SORCS2: variants seen among roughly 807,000 people sequenced by gnomAD.
The protein encoded by SORCS2 is VPS10 domain-containing receptor SorCS2.
A neutral mutation model predicts 141.6 loss-of-function variants in SORCS2; 100 were observed. The ratio of observed to expected loss-of-function variants is 0.71; its 90% CI spans 0.60 to 0.83. The LOEUF is 0.83. SORCS2 is among the 40% of genes least tolerant of loss of function. The pLI is 0.00. For missense variants in SORCS2, 1,646 were observed against 1,560.2 expected, an observed-to-expected ratio of 1.05 and a Z score of -0.93; for synonymous variants, 789 against 676.9, an observed-to-expected ratio of 1.17 and a Z score of -2.57.
chr4:7,312,373 T>A (rs1718240095), intron 1 of SORCS2, among the ~76,000 whole-genome samples: 1 of 152,234 alleles, frequency 6.6e-6, no homozygotes, highest in Admixed American at 6.5e-5. Flanking sequence ...GTCCTGGCTC[T>A]GCACCCAAGC....
intron 2 of SORCS2, among the ~76,000 whole-genome samples, chr4:7,464,810 C>T (rs1487415158): frequency 1.3e-5 from 2 of 152,202 alleles, no homozygotes; most frequent in Non-Finnish European, 2.9e-5. Flanking sequence ...TGCTGGGCAT[C>T]GGGATAGTGC....
chr4:7,312,094 C>T (rs1288418240), intron 1 of SORCS2, among the ~76,000 whole-genome samples: 2 of 152,126 alleles, frequency 1.3e-5, no homozygotes, highest in East Asian at 3.9e-4. Context: ...CCAGGATGGT[C>T]TCTATATCTT....
chr4:7,235,494 A>G (rs961667599), intron 1 of SORCS2, among the ~76,000 whole-genome samples: 2 of 149,626 alleles, frequency 1.3e-5, no homozygotes, highest in African/African-American at 5.1e-5. Flanking sequence ...TCTTGACTGT[A>G]GGCTACCCAG....
intron 3 of SORCS2, among the ~76,000 whole-genome samples, chr4:7,577,318 C>G (rs560132599): frequency 2.0e-5 from 3 of 152,164 alleles, no homozygotes; most frequent in Non-Finnish European, 2.9e-5. Flanking sequence ...ACAGGTAAAG[C>G]CAGGTGGGCA....
At chr4:7,726,573 C>CAAAAT (rs879577263) in intron 20 of SORCS2, among the ~76,000 whole-genome samples, 15 of 152,052 alleles carry the variant, frequency 9.9e-5, no homozygotes, top group South Asian at 6.2e-4. Flanking sequence ...GACTCTGTCT[C>CAAAAT]AAAATAAAAT....
chr4:7,249,994 C>T (rs1713382404), intron 1 of SORCS2, among the ~76,000 whole-genome samples: 2 of 152,156 alleles, frequency 1.3e-5, no homozygotes, highest in African/African-American at 4.8e-5. Flanking sequence ...GTAATCCTAA[C>T]ACTTTGGGAG....
rs977815274 is a variant in SORCS2 at position 7,433,606 on chromosome 4, C to T, written c.548+37251C>T. The T allele has an allele frequency of 6.2e-7, 1 of 1,611,570 alleles. No homozygotes were observed. The highest frequency in any genetic ancestry group is 8.5e-7 in the Non-Finnish European group (1 of 1,178,938). ...GGGCAGCGGCAGGATGCTGCAGCCA[C>T]CCTTGAAGGCCACCAGGATGTCTCG... On this transcript the variant is annotated intron_variant, in intron 2 of 26. Coordinates refer to ENST00000507866, the MANE Select transcript of SORCS2 (RefSeq NM_020777.3).
Position 7,297,554 on chromosome 4 carries a change from G to A in SORCS2, c.481-98734G>A, listed in dbSNP as rs1577369463. 2.0e-5 allele frequency among the ~76,000 whole-genome samples: 3 copies of A among 152,182 alleles called. No individual in the cohort carries two copies. In the South Asian group the frequency reaches 6.2e-4, roughly 31 times the overall value. ...CCCTGCTGAGTCTCCCTGGGTGAAC[G>A]TGGGGCAGAGAGGGCTGTGCTCAGT... On this transcript the variant is annotated intron_variant, in intron 1 of 26. Transcript: ENST00000507866.
chr4:7,248,382 G>T (rs953443120), intron 1 of SORCS2, among the ~76,000 whole-genome samples: 1 of 152,224 alleles, frequency 6.6e-6, no homozygotes, highest in African/African-American at 2.4e-5. Flanking sequence ...ACCACACCAG[G>T]TGCGTGTCCT....
Position 7,676,128 on chromosome 4 carries a change from C to A in SORCS2, c.1240C>A (p.Leu414Met). Reference sequence around the variant, plus strand: ...GTGGTACCAGATGGACACCTACAACCTGTACCAGTCGGACCCACGGGGCGT... The same window carrying A: ...GTGGTACCAGATGGACACCTACAACATGTACCAGTCGGACCCACGGGGCGT... ...QEWYQMDTYN[L>M]YQSDPRGVRY... The change falls in exon 9 of 27, where the codon CTG (leucine) becomes ATG (methionine). Residue 414 changes from leucine to methionine, a missense_variant. Coordinates refer to ENST00000507866, the MANE Select transcript of SORCS2 (RefSeq NM_020777.3). 1 of 1,580,778 alleles carries A rather than the reference C, an allele frequency of 6.3e-7. No individual in the cohort carries two copies. The highest frequency in any genetic ancestry group is 8.6e-7 in the Non-Finnish European group (1 of 1,161,956).
intron 3 of SORCS2, among the ~76,000 whole-genome samples, chr4:7,618,133 G>A (rs997275470): frequency 2.6e-5 from 4 of 152,022 alleles, no homozygotes; most frequent in Non-Finnish European, 5.9e-5. Context: ...CGTTGCCATC[G>A]GAACTCTTCC....
chr4:7,673,710 A>C (rs143662508), intron 8 of SORCS2, among the ~76,000 whole-genome samples: 1 of 152,264 alleles, frequency 6.6e-6, no homozygotes, highest in East Asian at 1.9e-4. Context: ...TACCCAATGC[A>C]TTTACCCAGG....
At chr4:7,381,597 A>T (rs1722997988) in intron 1 of SORCS2, among the ~76,000 whole-genome samples, 1 of 152,190 alleles carries the variant, frequency 6.6e-6, no homozygotes, top group African/African-American at 2.4e-5. Flanking sequence ...GATGGATAAG[A>T]GGAACCCCTC....
At chr4:7,482,872 T>G (rs1381766075) in intron 2 of SORCS2, among the ~76,000 whole-genome samples, 1 of 151,854 alleles carries the variant, frequency 6.6e-6, no homozygotes, top group African/African-American at 2.4e-5. Flanking sequence ...CACCCCTGGC[T>G]GCTGTGGTGG....
chr4:7,636,443 G>A (rs1042375358), intron 3 of SORCS2, among the ~76,000 whole-genome samples: 7 of 152,160 alleles, frequency 4.6e-5, no homozygotes, highest in African/African-American at 7.2e-5. Context: ...GGATCGGAGC[G>A]GGGGGTGCAC....
chr4:7,621,647 G>A (rs1719201925), intron 3 of SORCS2, among the ~76,000 whole-genome samples: 1 of 152,126 alleles, frequency 6.6e-6, no homozygotes, highest in Non-Finnish European at 1.5e-5. Flanking sequence ...ATCAGAGGTG[G>A]TGAAACATAT....
chr4:7,621,067 A>T (rs1017447124), intron 3 of SORCS2, among the ~76,000 whole-genome samples: 1 of 152,028 alleles, frequency 6.6e-6, no homozygotes, highest in African/African-American at 2.4e-5. Flanking sequence ...ACAGCTGCTG[A>T]CCACAAGGAG....
chr4:7,713,774 G>A (rs538466117), intron 15 of SORCS2, among the ~76,000 whole-genome samples: 31 of 152,154 alleles, frequency 2.0e-4, no homozygotes, highest in Admixed American at 3.9e-4. Context: ...GGAGGTTTAG[G>A]AGCTTGAATA....
At chr4:7,439,196 A>T (rs568668292) in intron 2 of SORCS2, among the ~76,000 whole-genome samples, 1 of 152,244 alleles carries the variant, frequency 6.6e-6, no homozygotes, top group South Asian at 2.1e-4. Context: ...ATATATATAT[A>T]TACAAACACA....
Sources: allele counts gnomAD v4.1 joint callset (sites outside exome capture counted in the v4.1 genomes callset), GRCh38; gene constraint gnomAD v4.1.1; transcripts MANE v1.5; gene names NCBI Gene and HGNC (gene_info 2026-07-23, HGNC 2026-07-21).